TXLNB: variants seen among roughly 807,000 people sequenced by gnomAD.
The protein encoded by TXLNB is taxilin beta.
In TXLNB, 37 loss-of-function variants were observed where a neutral mutation model predicts 57.4. That is an observed-to-expected ratio of 0.64 (90% CI 0.50 to 0.85). The LOEUF is 0.85. Ranked by LOEUF, TXLNB falls within the 40% of genes least tolerant of loss-of-function variation. TXLNB has a pLI of 0.00. For missense variants in TXLNB, 848 were observed against 825.6 expected (o/e 1.03, Z -0.33); for synonymous variants, 302 against 309.6 (o/e 0.98, Z 0.26).
At chr6:139,322,353 A>G in the TXLNB span, among the ~76,000 whole-genome samples, 1 of 152,142 alleles carries the variant, frequency 6.6e-6, no homozygotes, top group Non-Finnish European at 1.5e-5. Context: ...TGGGGGGACA[A>G]GTGTTGTGTC....
chr6:139,216,637 T>A, the TXLNB span, among the ~76,000 whole-genome samples: 23 of 151,948 alleles, frequency 1.5e-4, no homozygotes, highest in Admixed American at 7.9e-4. Flanking sequence ...ATAATAATTT[T>A]AAAAAAAGAA....
chr6:139,296,136 C>T (rs928838930), upstream of TXLNB, among the ~76,000 whole-genome samples: 6 of 152,138 alleles, frequency 3.9e-5, no homozygotes, highest in Non-Finnish European at 5.9e-5. Flanking sequence ...CTTTACCTCT[C>T]TCCTGTTGCC....
At chr6:139,273,915 T>G (rs1776830329) in intron 3 of TXLNB, among the ~76,000 whole-genome samples, 1 of 152,252 alleles carries the variant, frequency 6.6e-6, no homozygotes, top group Non-Finnish European at 1.5e-5. Flanking sequence ...AGGTTCTTAC[T>G]GCCTAGCTTC....
chr6:139,308,264 G>A, the TXLNB span, among the ~76,000 whole-genome samples: 1 of 152,198 alleles, frequency 6.6e-6, no homozygotes, highest in African/African-American at 2.4e-5. Context: ...AAGAAGGACA[G>A]AGAAAAGTAT....
the TXLNB span, among the ~76,000 whole-genome samples, chr6:139,228,550 A>C: frequency 6.7e-6 from 1 of 148,150 alleles, no homozygotes; most frequent in Non-Finnish European, 1.5e-5. Context: ...AAAAAAAGGG[A>C]AGTTAATGGA....
chr6:139,287,124 T>A (rs1308426172), intron 2 of TXLNB: 1 of 152,928 alleles, frequency 6.5e-6, no homozygotes, highest in Admixed American at 6.5e-5. Flanking sequence ...TTATCTAACG[T>A]TCCCAGTGGT....
the TXLNB span, among the ~76,000 whole-genome samples, chr6:139,310,985 G>A: frequency 6.6e-6 from 1 of 152,168 alleles, no homozygotes. Flanking sequence ...GTGAGCCACC[G>A]TGCCCAGCCC....
the TXLNB span, among the ~76,000 whole-genome samples, chr6:139,313,198 G>A: frequency 6.6e-6 from 1 of 151,290 alleles, no homozygotes; most frequent in African/African-American, 2.4e-5. Context: ...TCAGCCTCCC[G>A]AGTAGCTGGG....
the TXLNB span, among the ~76,000 whole-genome samples, chr6:139,223,329 G>T: frequency 6.6e-6 from 1 of 152,118 alleles, no homozygotes; most frequent in African/African-American, 2.4e-5. Flanking sequence ...AGTCTTAAAT[G>T]CATTTATTGG....
the TXLNB span, among the ~76,000 whole-genome samples, chr6:139,304,462 C>A: frequency 6.6e-6 from 1 of 152,082 alleles, no homozygotes; most frequent in Non-Finnish European, 1.5e-5. Flanking sequence ...CAATCAGTAC[C>A]ACGATGCACA....
the TXLNB span, among the ~76,000 whole-genome samples, chr6:139,204,390 G>T: frequency 6.6e-6 from 1 of 152,028 alleles, no homozygotes; most frequent in Non-Finnish European, 1.5e-5. Context: ...CTTGATGGAG[G>T]CACTCTGCAG....
the TXLNB span, among the ~76,000 whole-genome samples, chr6:139,226,984 A>C: frequency 1.3e-5 from 2 of 152,118 alleles, no homozygotes; most frequent in Non-Finnish European, 2.9e-5. Flanking sequence ...CTGAGATTGC[A>C]CCACTGAACT....
At chr6:139,200,790 C>G in the TXLNB span, among the ~76,000 whole-genome samples, 2 of 152,130 alleles carry the variant, frequency 1.3e-5, no homozygotes. Context: ...TGTTTCAATT[C>G]CCATCTTGTC....
At chr6:139,292,579 T>C (rs1451088026), upstream of TXLNB, among the ~76,000 whole-genome samples, 1 of 152,200 alleles carries the variant, frequency 6.6e-6, no homozygotes, top group Non-Finnish European at 1.5e-5. The surrounding 1 kb of genome is among the most constrained non-coding windows in gnomAD (Gnocchi z 4.0). Flanking sequence ...AACATGTAGA[T>C]GGTGATTTTG....
At chr6:139,303,796 A>C in the TXLNB span, among the ~76,000 whole-genome samples, 2 of 151,606 alleles carry the variant, frequency 1.3e-5, no homozygotes, top group South Asian at 4.1e-4. Context: ...TGTAGTTTTG[A>C]CACAGAAATA....
the TXLNB span, chr6:139,177,191 A>G: frequency 3.0e-6 from 2 of 656,880 alleles, no homozygotes; most frequent in African/African-American, 1.8e-5. The surrounding 1 kb of genome is among the most constrained non-coding windows in gnomAD (Gnocchi z 4.9). Context: ...TGTGACATTA[A>G]TTTCCTTTCT....
At chr6:139,196,364 GGTTTTTTTTTT>G in the TXLNB span, among the ~76,000 whole-genome samples, 1 of 86,770 alleles carries the variant, frequency 1.2e-5, no homozygotes, top group East Asian at 2.9e-4. Context: ...CTCCAGATCT[GGTTTTTTTTTT>G]TTTTTTTTTT....
At chr6:139,282,593 C>T (rs964789937) in intron 2 of TXLNB, among the ~76,000 whole-genome samples, 1 of 145,096 alleles carries the variant, frequency 6.9e-6, no homozygotes, top group East Asian at 2.0e-4. Context: ...TAAAGGAAGA[C>T]TATGTAAATG....
the TXLNB span, among the ~76,000 whole-genome samples, chr6:139,193,840 A>AT: frequency 2.3e-3 from 197 of 85,230 alleles, 7 homozygotes; most frequent in East Asian, 0.043. Context: ...ATATATATAT[A>AT]TTTTTTTTTT....
Sources: allele counts gnomAD v4.1 joint callset (sites outside exome capture counted in the v4.1 genomes callset), GRCh38; gene constraint gnomAD v4.1.1; non-coding constraint Gnocchi (gnomAD v3.1); transcripts MANE v1.5; gene names NCBI Gene and HGNC (gene_info 2026-07-23, HGNC 2026-07-21).